Variants in SPSB4 observed in about 807,000 individuals in gnomAD.
SPSB4 encodes splA/ryanodine receptor domain and SOCS box containing 4, also known as SPRY domain-containing SOCS box protein 4.
In SPSB4, 21 loss-of-function variants were observed where a neutral mutation model predicts 20.9. The ratio of observed to expected loss-of-function variants is 1.01; its 90% CI spans 0.71 to 1.45. The LOEUF is 1.45. Ranked by LOEUF, SPSB4 falls within the 40% of genes most tolerant of loss-of-function variation. The pLI, the probability that SPSB4 is intolerant of heterozygous loss-of-function variation, is 0.00. For missense variants in SPSB4, 399 were observed against 399.2 expected (o/e 1.00, Z 0.00); for synonymous variants, 207 against 183.8 (o/e 1.13, Z -1.02).
At chr3:141,083,474 A>G (rs1051473783) in intron 2 of SPSB4, among the ~76,000 whole-genome samples, 1 of 152,098 alleles carries the variant, frequency 6.6e-6, no homozygotes, top group East Asian at 1.9e-4. Context: ...TTCTCTGGGC[A>G]GGGCCAGGGA....
At chr3:141,058,296 A>G (rs1937695981) in intron 1 of SPSB4, among the ~76,000 whole-genome samples, 1 of 152,180 alleles carries the variant, frequency 6.6e-6, no homozygotes, top group Admixed American at 6.5e-5. Flanking sequence ...GTCGGGTAGG[A>G]ACATCTGCTA....
At chr3:141,065,881 A>G (rs973700049) in intron 1 of SPSB4, 71 bp from the exon 2 acceptor site, 3 of 506,382 alleles carry the variant, frequency 5.9e-6, no homozygotes, top group African/African-American at 2.1e-5. Context: ...CAAGGCATGG[A>G]CATAAATGAA....
intron 2 of SPSB4, among the ~76,000 whole-genome samples, chr3:141,082,493 G>C (rs16851060): frequency 0.021 from 3,270 of 152,324 alleles, 112 homozygotes; most frequent in African/African-American, 0.073. Flanking sequence ...AGAACACAGA[G>C]AGGAGTTTGA....
chr3:141,124,465 G>C (rs747022276), intron 2 of SPSB4, among the ~76,000 whole-genome samples: 2 of 152,224 alleles, frequency 1.3e-5, no homozygotes, highest in Non-Finnish European at 1.5e-5. Flanking sequence ...CCACTCACAG[G>C]CCTCTGCCTA....
At chr3:141,118,667 A>T (rs748082582) in intron 2 of SPSB4, among the ~76,000 whole-genome samples, 1 of 152,148 alleles carries the variant, frequency 6.6e-6, no homozygotes, top group Admixed American at 6.5e-5. Context: ...TAATTTTTGT[A>T]TAAAGTGTAA....
intron 2 of SPSB4, among the ~76,000 whole-genome samples, chr3:141,087,704 C>T (rs1938371764): frequency 6.6e-6 from 1 of 152,174 alleles, no homozygotes; most frequent in Non-Finnish European, 1.5e-5. Context: ...GGGCCCAGGG[C>T]TGCATACCAA....
chr3:141,146,000 T>C (rs1383340245), intron 2 of SPSB4, among the ~76,000 whole-genome samples: 2 of 152,224 alleles, frequency 1.3e-5, no homozygotes, highest in African/African-American at 4.8e-5. Flanking sequence ...TGTACCTGTA[T>C]ATTTAAGAAT....
Position 141,066,133 on chromosome 3 carries a change from A to G in SPSB4, c.29A>G (p.Lys10Arg), listed in dbSNP as rs1464859125. 7 of 1,531,800 alleles carry G rather than the reference A, an allele frequency of 4.6e-6. No individual in the cohort carries two copies. Among genetic ancestry groups the G allele is most frequent in the East Asian group, 2.5e-5 (1 of 39,312 alleles). The allele number at this position is 1,531,800 out of a possible 1,614,324, so 94.9% of individuals were successfully genotyped here. MGQKLSGSL[K>R]SVEVREPALR... ...GGCCAGAAGCTCTCGGGGAGCCTCA[A>G]GTCAGTGGAGGTGCGAGAGCCGGCG... The change falls in exon 2 of 3, where the codon AAG becomes AGG. Residue 10 changes from lysine (K) to arginine (R), a missense_variant. Physicochemically the swap from Lys to Arg is conservative, Grantham distance 26. Transcript: ENST00000310546.
intron 2 of SPSB4, among the ~76,000 whole-genome samples, chr3:141,069,704 C>T (rs1472468989): frequency 6.6e-6 from 1 of 152,118 alleles, no homozygotes; most frequent in Non-Finnish European, 1.5e-5. Context: ...TCAGTGTTCT[C>T]CTTTGAAAAA....
intron 1 of SPSB4, among the ~76,000 whole-genome samples, chr3:141,052,353 A>T (rs1056183255): frequency 2.0e-5 from 3 of 152,216 alleles, no homozygotes; most frequent in Admixed American, 6.5e-5. Context: ...GTAGGATGGG[A>T]ATGATAATTG....
chr3:141,066,933 C>G (rs1300031177), intron 2 of SPSB4, 135 bp downstream of exon 2: 1 of 867,332 alleles, frequency 1.2e-6, no homozygotes, highest in East Asian at 3.0e-5. Flanking sequence ...GGTTTCAATC[C>G]TGACTCTCTG....
chr3:141,126,928 C>T (rs1325208427), intron 2 of SPSB4, among the ~76,000 whole-genome samples: 2 of 152,240 alleles, frequency 1.3e-5, no homozygotes, highest in African/African-American at 2.4e-5. Context: ...CAATACAGCC[C>T]CCCATGCCCC....
At chr3:141,076,636 C>T (rs7623980) in intron 2 of SPSB4, among the ~76,000 whole-genome samples, 2 of 152,062 alleles carry the variant, frequency 1.3e-5, no homozygotes, top group Non-Finnish European at 2.9e-5. Flanking sequence ...GCCTGAGGGA[C>T]ATGAAGAGCC....
intron 2 of SPSB4, among the ~76,000 whole-genome samples, chr3:141,135,322 C>T (rs1257983270): frequency 6.9e-6 from 1 of 145,142 alleles, no homozygotes; most frequent in Non-Finnish European, 1.5e-5. Flanking sequence ...ACATTTGGGT[C>T]ACTTCCAGTT....
intron 2 of SPSB4, among the ~76,000 whole-genome samples, chr3:141,123,400 G>T (rs896462137): frequency 6.6e-6 from 1 of 152,168 alleles, no homozygotes; most frequent in Admixed American, 6.5e-5. Context: ...TTTCCTTATA[G>T]ATTTTTTGTA....
Position 141,147,135 on chromosome 3 carries a change from A to T in SPSB4, c.695-7A>T. 1.2e-6 allele frequency: 2 copies of T among 1,613,852 alleles called. No individual in the cohort carries two copies. Among genetic ancestry groups the T allele is most frequent in the Non-Finnish European group, 8.5e-7 (1 of 1,180,008 alleles). On this transcript the variant is annotated splice_region_variant and splice_polypyrimidine_tract_variant and intron_variant, in intron 2 of 2. Transcript: ENST00000310546. ...GGCACACTCTAACTGCTTCCCTCTC[A>T]TTGCAGCCGAGCCCCTGCCACTGAT...
intron 2 of SPSB4, among the ~76,000 whole-genome samples, chr3:141,081,372 C>G (rs544310559): frequency 2.0e-5 from 3 of 152,242 alleles, no homozygotes; most frequent in African/African-American, 7.2e-5. Context: ...GGCTGAGGAG[C>G]CCCAGAGAGA....
At chr3:141,097,548 G>A (rs181041098) in intron 2 of SPSB4, among the ~76,000 whole-genome samples, 2 of 152,196 alleles carry the variant, frequency 1.3e-5, no homozygotes, top group East Asian at 3.9e-4. Context: ...ATGAGCCACC[G>A]TGCTTAGCCA....
chr3:141,133,737 C>A (rs916044296), intron 2 of SPSB4, among the ~76,000 whole-genome samples: 13 of 152,030 alleles, frequency 8.6e-5, no homozygotes, highest in African/African-American at 2.9e-4. Flanking sequence ...CAGATTTGTT[C>A]TTTTTGTTTA....
Sources: allele counts gnomAD v4.1 joint callset (sites outside exome capture counted in the v4.1 genomes callset), GRCh38; gene constraint gnomAD v4.1.1; transcripts MANE v1.5; gene names NCBI Gene and HGNC (gene_info 2026-07-23, HGNC 2026-07-21).